Variants in ANXA8 observed in about 807,000 individuals in gnomAD.
ANXA8 encodes annexin A8, also known as VAC-beta.
A neutral mutation model predicts 26.8 loss-of-function variants in ANXA8; 9 were observed. The observed-to-expected ratio is 0.34, with a 90% confidence interval of 0.20 to 0.59. ANXA8 has a LOEUF of 0.59. ANXA8 is among the 20% of genes least tolerant of loss of function. ANXA8 has a pLI of 0.84. For synonymous variants in ANXA8, 39 were observed against 94.8 expected, an observed-to-expected ratio of 0.41 and a Z score of 3.42; for missense variants, 83 against 238.5, an observed-to-expected ratio of 0.35 and a Z score of 4.29.
At chr10:47,975,751 C>T in the ANXA8 span, among the ~76,000 whole-genome samples, 1 of 150,208 alleles carries the variant, frequency 6.7e-6, no homozygotes, top group Admixed American at 6.7e-5. Flanking sequence ...TGTGGAAACA[C>T]AGACACGCCT....
the ANXA8 span, chr10:47,491,699 C>T: frequency 1.3e-6 from 2 of 1,542,390 alleles, no homozygotes; most frequent in Non-Finnish European, 1.8e-6. Context: ...CAGTGGCGAA[C>T]TAGGATGCTG....
At chr10:47,618,847 A>G in the ANXA8 span, among the ~76,000 whole-genome samples, 586 of 91,386 alleles carry the variant, frequency 6.4e-3, 2 homozygotes, top group South Asian at 0.012. Flanking sequence ...TCCAGCTATG[A>G]CATTTACTCT....
chr10:47,941,320 G>C, the ANXA8 span, among the ~76,000 whole-genome samples: 2 of 146,390 alleles, frequency 1.4e-5, no homozygotes, highest in South Asian at 4.3e-4. Context: ...TCTGCTCTGA[G>C]CGTGGGGATG....
the ANXA8 span, among the ~76,000 whole-genome samples, chr10:47,694,455 C>G: frequency 1.0e-4 from 13 of 127,796 alleles, no homozygotes; most frequent in Admixed American, 1.2e-3. Context: ...GAGTCTTGCT[C>G]TGTTGCCCAG....
At chr10:47,951,803 T>G in the ANXA8 span, among the ~76,000 whole-genome samples, 23 of 98,460 alleles carry the variant, frequency 2.3e-4, no homozygotes, top group South Asian at 3.6e-4. Flanking sequence ...AGAGCAAGAC[T>G]CTGTCTCCAA....
chr10:47,527,904 A>C, the ANXA8 span, among the ~76,000 whole-genome samples: 1 of 149,372 alleles, frequency 6.7e-6, no homozygotes, highest in African/African-American at 2.5e-5. Flanking sequence ...AAGAGAAGGA[A>C]GAACTAATGC....
At chr10:47,956,712 G>A in the ANXA8 span, among the ~76,000 whole-genome samples, 1 of 150,534 alleles carries the variant, frequency 6.6e-6, no homozygotes, top group African/African-American at 2.5e-5. Context: ...TATCACTGTA[G>A]GGTAGGGCTT....
the ANXA8 span, among the ~76,000 whole-genome samples, chr10:47,647,718 A>G: frequency 5.0e-4 from 76 of 150,546 alleles, no homozygotes; most frequent in Middle Eastern, 3.4e-3. Flanking sequence ...TATATAATAT[A>G]TATTGCGAAA....
At chr10:47,660,221 GTTGT>G in the ANXA8 span, among the ~76,000 whole-genome samples, 5 of 147,266 alleles carry the variant, frequency 3.4e-5, no homozygotes, top group East Asian at 9.7e-4. Flanking sequence ...AGTGGAAACT[GTTGT>G]TTAATTTGAT....
the ANXA8 span, among the ~76,000 whole-genome samples, chr10:47,531,820 C>T: frequency 6.9e-6 from 1 of 144,816 alleles, no homozygotes. Flanking sequence ...TCTTTTTCTT[C>T]CACATTCACC....
the ANXA8 span, chr10:47,564,679 G>A: frequency 5.0e-6 from 2 of 398,826 alleles, no homozygotes; most frequent in Non-Finnish European, 8.2e-6. Context: ...GCAAGGGTGA[G>A]CCTGCTGCCC....
chr10:47,541,260 C>T, the ANXA8 span, among the ~76,000 whole-genome samples: 57 of 113,954 alleles, frequency 5.0e-4, no homozygotes, highest in South Asian at 2.3e-3. Flanking sequence ...CCTGGGAGTT[C>T]AAGGCTGCAG....
chr10:47,671,898 G>A, the ANXA8 span, among the ~76,000 whole-genome samples: 25 of 150,606 alleles, frequency 1.7e-4, no homozygotes, highest in African/African-American at 3.4e-4. Flanking sequence ...GTGAGCCACC[G>A]TGCCCAATTG....
the ANXA8 span, among the ~76,000 whole-genome samples, chr10:47,586,642 G>A: frequency 2.1e-5 from 3 of 145,960 alleles, no homozygotes; most frequent in Non-Finnish European, 4.4e-5. Context: ...TTCTGGCTCC[G>A]AGTCCAGTTT....
chr10:47,735,540 C>T, the ANXA8 span, among the ~76,000 whole-genome samples: 7 of 146,950 alleles, frequency 4.8e-5, no homozygotes, highest in Non-Finnish European at 8.9e-5. Context: ...TGATTTTGTA[C>T]ATGTGTCTGC....
chr10:47,645,849 C>G, the ANXA8 span, among the ~76,000 whole-genome samples: 3 of 149,572 alleles, frequency 2.0e-5, no homozygotes, highest in Admixed American at 6.6e-5. Flanking sequence ...AATCTGTCTT[C>G]TTGAGCTGGG....
the ANXA8 span, among the ~76,000 whole-genome samples, chr10:47,632,739 C>T: frequency 6.8e-6 from 1 of 146,972 alleles, no homozygotes; most frequent in Non-Finnish European, 1.5e-5. Flanking sequence ...ACATTTTTGC[C>T]ATATTTAAAA....
chr10:47,529,364 T>C, the ANXA8 span, among the ~76,000 whole-genome samples: 1 of 150,522 alleles, frequency 6.6e-6, no homozygotes, highest in African/African-American at 2.5e-5. Flanking sequence ...TTGTGACTCA[T>C]TGGTTTCATC....
At chr10:47,505,598 C>T in the ANXA8 span, among the ~76,000 whole-genome samples, 1 of 115,000 alleles carries the variant, frequency 8.7e-6, no homozygotes, top group Non-Finnish European at 1.8e-5. Context: ...AGCGCAGTGG[C>T]TCACGCCTGT....
Sources: gnomAD v4.1 joint callset for allele counts (sites outside exome capture counted in the v4.1 genomes callset) on GRCh38, gnomAD v4.1.1 for gene constraint, MANE v1.5 for transcripts, NCBI Gene and HGNC (gene_info 2026-07-23, HGNC 2026-07-21) for gene names.